Variants in ASB4 observed in about 807,000 individuals in gnomAD.
ASB4 encodes ankyrin repeat and SOCS box protein 4.
ASB4 carries 35 observed loss-of-function variants against 38.6 expected under a neutral mutation model. The observed-to-expected ratio is 0.91, with a 90% confidence interval of 0.69 to 1.20. ASB4 has a LOEUF of 1.20. Among genes scored for constraint, ASB4 ranks in the 50% most tolerant of loss-of-function variants. The pLI, the probability that ASB4 is intolerant of heterozygous loss-of-function variation, is 0.00. For missense variants in ASB4, 557 were observed against 527.2 expected (o/e 1.06, Z -0.55); for synonymous variants, 195 against 201.3 (o/e 0.97, Z 0.26).
chr7:95,546,053 C>A, the ASB4 span, among the ~76,000 whole-genome samples: 5 of 152,172 alleles, frequency 3.3e-5, no homozygotes, highest in Non-Finnish European at 7.3e-5. Flanking sequence ...GTTGGAACTC[C>A]TCCCTGTCAC....
chr7:95,484,958 A>ATATATGTGTG (rs1790065586), upstream of ASB4, among the ~76,000 whole-genome samples: 1 of 124,472 alleles, frequency 8.0e-6, no homozygotes, highest in South Asian at 3.1e-4. Flanking sequence ...ACACACACAT[A>ATATATGTGTG]TATATATGTG....
chr7:95,508,162 G>A (rs1790435401), intron 2 of ASB4, among the ~76,000 whole-genome samples: 2 of 152,132 alleles, frequency 1.3e-5, no homozygotes, highest in African/African-American at 4.8e-5. Flanking sequence ...AGACAGTAGG[G>A]ATAATTTTTG....
rs141769326 is a variant in ASB4, at chr7:95,524,843, G to T, written c.488-2970G>T. Among the ~76,000 whole-genome samples, 753 of 152,328 alleles carry T rather than the reference G, an allele frequency of 4.9e-3. 5 individuals carry two copies. The highest frequency in any genetic ancestry group is 0.017 in the African/African-American group (713 of 41,572). Reference sequence around the variant, plus strand: ...GGGAGAATGGGATGGAGCTATGGAAGTTCCTGCCGTTTGCAGTGGGGAGCA... The same window carrying T: ...GGGAGAATGGGATGGAGCTATGGAATTTCCTGCCGTTTGCAGTGGGGAGCA... On this transcript the variant is annotated intron_variant, in intron 2 of 4. Transcript: ENST00000325885.
chr7:95,534,807 C>T (rs965056023), intron 3 of ASB4, among the ~76,000 whole-genome samples: 4 of 152,208 alleles, frequency 2.6e-5, no homozygotes, highest in Non-Finnish European at 5.9e-5. Context: ...CCCAGAATTA[C>T]TGTCATAGTA....
At chr7:95,511,722 G>A (rs1374023177) in intron 2 of ASB4, among the ~76,000 whole-genome samples, 2 of 152,002 alleles carry the variant, frequency 1.3e-5, no homozygotes, top group Non-Finnish European at 2.9e-5. Context: ...TATTTTGCAT[G>A]CTTGGCACTT....
intron 1 of ASB4, among the ~76,000 whole-genome samples, chr7:95,487,191 T>C (rs1288646565): frequency 1.3e-5 from 2 of 152,212 alleles, no homozygotes; most frequent in Non-Finnish European, 2.9e-5. Context: ...CTGAGGGACA[T>C]ATAGAAGAGC....
the ASB4 span, among the ~76,000 whole-genome samples, chr7:95,550,357 A>G: frequency 6.6e-6 from 1 of 152,124 alleles, no homozygotes; most frequent in African/African-American, 2.4e-5. Flanking sequence ...AGCAGGGAAC[A>G]CGCCGTTCTC....
intron 3 of ASB4, among the ~76,000 whole-genome samples, chr7:95,529,354 A>G (rs1371252101): frequency 2.0e-5 from 3 of 152,246 alleles, no homozygotes; most frequent in Non-Finnish European, 4.4e-5. Context: ...TAATTAGGCC[A>G]CAGAAAGCAA....
At chr7:95,489,245 TGAAA>T (rs1790136587) in intron 1 of ASB4, among the ~76,000 whole-genome samples, 1 of 152,220 alleles carries the variant, frequency 6.6e-6, no homozygotes, top group Non-Finnish European at 1.5e-5. Flanking sequence ...TAAGCAAATA[TGAAA>T]TGTGTATTTT....
chr7:95,503,289 A>T (rs1020251495), intron 2 of ASB4, among the ~76,000 whole-genome samples: 1 of 152,232 alleles, frequency 6.6e-6, no homozygotes, highest in African/African-American at 2.4e-5. Context: ...CATCTTATGC[A>T]TGAGGAGAAA....
At chr7:95,525,182 C>A (rs538631540) in intron 2 of ASB4, among the ~76,000 whole-genome samples, 2 of 152,300 alleles carry the variant, frequency 1.3e-5, no homozygotes, top group South Asian at 2.1e-4. Context: ...GAGGCAGATT[C>A]TCCTCCAAAG....
At chr7:95,496,100 C>T (rs1366605739) in intron 2 of ASB4, 43 bp downstream of exon 2, 3 of 1,563,632 alleles carry the variant, frequency 1.9e-6, no homozygotes, top group African/African-American at 1.4e-5. Context: ...TGCTTGTACA[C>T]TCATGGTTTC....
chr7:95,509,262 C>A (rs538724055), intron 2 of ASB4, among the ~76,000 whole-genome samples: 1 of 151,930 alleles, frequency 6.6e-6, no homozygotes. Context: ...TATCTTTCCA[C>A]GAGAATTAGG....
chr7:95,532,560 T>C (rs945551245), intron 3 of ASB4, among the ~76,000 whole-genome samples: 3 of 152,170 alleles, frequency 2.0e-5, no homozygotes, highest in Admixed American at 6.5e-5. Context: ...CAATGCTGTA[T>C]ATGAAGGTAG....
At chr7:95,496,684 A>T (rs1261049435) in intron 2 of ASB4, among the ~76,000 whole-genome samples, 1 of 152,004 alleles carries the variant, frequency 6.6e-6, no homozygotes, top group Non-Finnish European at 1.5e-5. Context: ...CCATCTCTAC[A>T]AAAAGCAAAA....
At chr7:95,495,600 A>G (rs1048008119) in intron 1 of ASB4, among the ~76,000 whole-genome samples, 158 bp from the exon 2 acceptor site, 11 of 152,166 alleles carry the variant, frequency 7.2e-5, no homozygotes, top group Non-Finnish European at 1.3e-4. Flanking sequence ...ACGCTTGCAG[A>G]CCCATTAGCT....
intron 1 of ASB4, among the ~76,000 whole-genome samples, chr7:95,495,235 AT>A (rs1196202258): frequency 6.6e-6 from 1 of 152,184 alleles, no homozygotes; most frequent in Admixed American, 6.5e-5. Flanking sequence ...TGGAGTGATA[AT>A]TTTTTTAAAA....
At chr7:95,474,593 C>T (rs1789958129), upstream of ASB4, among the ~76,000 whole-genome samples, 1 of 152,188 alleles carries the variant, frequency 6.6e-6, no homozygotes. Flanking sequence ...GCAATCACGG[C>T]TCACTGCAGC....
Position 95,486,203 on chromosome 7 carries a change from T to TA in ASB4, c.187+52dup, listed in dbSNP as rs761971361. On this transcript the variant is annotated intron_variant, in intron 1 of 4. Coordinates refer to ENST00000325885, the MANE Select transcript of ASB4 (RefSeq NM_016116.3). ...ATTGTAGAACTGTTAGAAAATGATT[T>TA]AAAAAAATGCACAGTGTCAGTTATC... is the stretch of plus-strand genomic sequence containing the variant. 8.0e-6 allele frequency: 12 copies of TA among 1,500,280 alleles called. No homozygotes were observed. The East Asian group carries it at 2.0e-4, about 26-fold the overall frequency. The allele number at this position is 1,500,280 out of a possible 1,614,324, so 92.9% of individuals were successfully genotyped here. A position where few individuals can be genotyped will look rare whatever the true frequency, so the allele number is the denominator to read the frequency against.
Sources: allele counts gnomAD v4.1 joint callset (sites outside exome capture counted in the v4.1 genomes callset), GRCh38; gene constraint gnomAD v4.1.1; transcripts MANE v1.5; gene names NCBI Gene and HGNC (gene_info 2026-07-23, HGNC 2026-07-21).